FAM169A: variants seen among roughly 807,000 people sequenced by gnomAD.
The protein encoded by FAM169A is soluble lamin-associated protein of 75 kDa.
In FAM169A, 24 loss-of-function variants were observed where a neutral mutation model predicts 75.7. The observed-to-expected ratio is 0.32, with a 90% confidence interval of 0.23 to 0.45. The LOEUF is 0.45. Ranked by LOEUF, FAM169A falls within the 20% of genes least tolerant of loss-of-function variation. FAM169A has a pLI of 1.00. For missense variants in FAM169A, 673 were observed against 784.0 expected (o/e 0.86, Z 1.69); for synonymous variants, 271 against 271.0 (o/e 1.00, Z 0.00).
chr5:74,826,652 A>G (rs1481319963), intron 5 of FAM169A, among the ~76,000 whole-genome samples: 2 of 152,186 alleles, frequency 1.3e-5, no homozygotes, highest in East Asian at 3.8e-4. Flanking sequence ...ACTATTTTAA[A>G]AACAATTGTA....
chr5:74,840,058 T>C lies in FAM169A; in HGVS notation c.232+16A>G. ...AGAAAAATTCCTTAATTTATAAAAA[T>C]TAAGCAAAAAGAGACCTGTCAGTGA... On this transcript the variant is annotated intron_variant, in intron 3 of 12. Coordinates refer to ENST00000687041, the MANE Select transcript of FAM169A (RefSeq NM_001376049.1). 7.3e-7 allele frequency: 1 copy of C among 1,368,108 alleles called. No individual in the cohort carries two copies. The highest frequency in any genetic ancestry group is 1.3e-5 in the South Asian group (1 of 74,450). The allele number at this position is 1,368,108 out of a possible 1,614,324, so 84.7% of individuals were successfully genotyped here.
chr5:74,788,914 A>G (rs1231005474), intron 11 of FAM169A, among the ~76,000 whole-genome samples: 1 of 152,180 alleles, frequency 6.6e-6, no homozygotes, highest in African/African-American at 2.4e-5. Flanking sequence ...GGTGACTCCA[A>G]TTGCAGCTGC....
Position 74,802,624 on chromosome 5 carries a change from A to G in FAM169A, c.913-995T>C, listed in dbSNP as rs373003580. On this transcript the variant is annotated intron_variant, in intron 8 of 12. Transcript: ENST00000687041. ...TATAATAAAGCAATTATTATGCTAT[A>G]GTATATTATATATTTCCAACAATGG... is the stretch of plus-strand genomic sequence containing the variant. 1.6e-3 allele frequency among the ~76,000 whole-genome samples: 239 copies of G among 152,284 alleles called. 1 individual carries two copies. Among genetic ancestry groups the G allele is most frequent in the South Asian group, 7.5e-3 (36 of 4,830 alleles).
At chr5:74,842,665 G>A (rs1433945341) in intron 1 of FAM169A, among the ~76,000 whole-genome samples, 1 of 151,366 alleles carries the variant, frequency 6.6e-6, no homozygotes, top group African/African-American at 2.4e-5. Context: ...CCAAAGTGCT[G>A]GGATTACAGA....
At chr5:74,835,359 T>C (rs577728438) in intron 4 of FAM169A, among the ~76,000 whole-genome samples, 1 of 152,076 alleles carries the variant, frequency 6.6e-6, no homozygotes, top group Admixed American at 6.5e-5. Flanking sequence ...CCCAGCACTT[T>C]GGGAAGCTGA....
rs70976133 is a variant in FAM169A at position 74,784,607 on chromosome 5, TAAAAAAAAA to T, written c.1261-1482_1261-1474del. ...GGAAGAGAGGGTAATCAACCCAGGCTAAAAAAAAAAAAAAAAAAAAAAAAAATAGGCTGG... is the reference window on the plus strand; with the variant it reads ...GGAAGAGAGGGTAATCAACCCAGGCTAAAAAAAAAAAAAAAAATAGGCTGG... On this transcript the variant is annotated intron_variant, in intron 11 of 12. Coordinates refer to ENST00000687041, the MANE Select transcript of FAM169A (RefSeq NM_001376049.1). Among the ~76,000 whole-genome samples, 20 of 60,578 alleles carry T rather than the reference TAAAAAAAAA, an allele frequency of 3.3e-4. 2 individuals carry two copies. Among genetic ancestry groups the T allele is most frequent in the African/African-American group, 1.1e-3 (16 of 14,834 alleles). The allele number at this position is 60,578 out of a possible 152,430, so 39.7% of individuals were successfully genotyped here.
intron 5 of FAM169A, among the ~76,000 whole-genome samples, chr5:74,827,342 T>C (rs1174195803): frequency 6.6e-6 from 1 of 152,126 alleles, no homozygotes; most frequent in Non-Finnish European, 1.5e-5. Context: ...TCCTTAACAG[T>C]TTTACACTGC....
rs1750330844 is a variant in FAM169A, at chr5:74,866,170, A to G, written c.-9T>C. 4 of 983,640 alleles carry G rather than the reference A, an allele frequency of 4.1e-6. No individual in the cohort carries two copies. The African/African-American group carries it at 5.3e-5, about 13-fold the overall frequency. 60.9% of individuals were successfully genotyped at this position (983,640 alleles called of 1,614,324 possible). A position where few individuals can be genotyped will look rare whatever the true frequency, so the allele number is the denominator to read the frequency against. On this transcript the variant is annotated 5_prime_UTR_variant, in exon 1 of 13. Coordinates refer to ENST00000687041, the MANE Select transcript of FAM169A (RefSeq NM_001376049.1). Reference sequence around the variant, plus strand: ...GGGAGAGGGAGCGCACTCACCTCAGACGCGCCCCGGGAGCCGCTGGAAGAG... The same window carrying G: ...GGGAGAGGGAGCGCACTCACCTCAGGCGCGCCCCGGGAGCCGCTGGAAGAG...
At chr5:74,845,787 G>C (rs1749125005) in intron 1 of FAM169A, among the ~76,000 whole-genome samples, 1 of 152,130 alleles carries the variant, frequency 6.6e-6, no homozygotes, top group Non-Finnish European at 1.5e-5. Flanking sequence ...GATCAACCAG[G>C]AGCTTATGCA....
rs541618296 is a variant in FAM169A, at chr5:74,810,293, GC to G, written c.670+3546del. Among the ~76,000 whole-genome samples, 7 of 152,260 alleles carry G rather than the reference GC, an allele frequency of 4.6e-5. No individual in the cohort carries two copies. In the South Asian group the frequency reaches 1.2e-3, roughly 27 times the overall value. Reference sequence around the variant, plus strand: ...ACTGACAGAAAGCACATCAGTGCTTGCCTGGAGTGAGAGTTTGGAAGGGAAG... The same window carrying G: ...ACTGACAGAAAGCACATCAGTGCTTGCTGGAGTGAGAGTTTGGAAGGGAAG... On this transcript the variant is annotated intron_variant, in intron 6 of 12. Transcript: ENST00000687041.
At chr5:74,790,283 A>G (rs979382777) in intron 11 of FAM169A, among the ~76,000 whole-genome samples, 3 of 152,196 alleles carry the variant, frequency 2.0e-5, no homozygotes, top group African/African-American at 7.2e-5. Context: ...CTACAGCCCT[A>G]TAGCCCCTTT....
rs34017579 is a variant in FAM169A at position 74,853,701 on chromosome 5, ATTTTTT to A, written c.-3-12028_-3-12023del. Among the ~76,000 whole-genome samples, 51 of 110,194 alleles carry A rather than the reference ATTTTTT, an allele frequency of 4.6e-4. No individual in the cohort carries two copies. In the South Asian group the frequency reaches 0.014, roughly 31 times the overall value. 72.3% of individuals were successfully genotyped at this position (110,194 alleles called of 152,430 possible). ...CTAATCACTGTGACCCATCTTCAGAATTTTTTTTTTTTTTTTTTTTTTTTGAGACAG... is the reference window on the plus strand; with the variant it reads ...CTAATCACTGTGACCCATCTTCAGAATTTTTTTTTTTTTTTTTTGAGACAG... On this transcript the variant is annotated intron_variant, in intron 1 of 12. Coordinates refer to ENST00000687041, the MANE Select transcript of FAM169A (RefSeq NM_001376049.1).
At position 74,787,240 on chromosome 5, in the gene FAM169A, G is replaced by A. The variant is rs181690832; in HGVS notation, c.1261-4106C>T. Among the ~76,000 whole-genome samples the A allele has an allele frequency of 6.0e-4, 91 of 152,292 alleles. 1 individual carries two copies. The South Asian group carries it at 9.9e-3, about 17-fold the overall frequency. On this transcript the variant is annotated intron_variant, in intron 11 of 12. Transcript: ENST00000687041. Reference sequence around the variant, plus strand: ...TCGATCAGGCTGAATTTATTGATTCGGGCCCACTAAGTAGGGACTCTGCAT... The same window carrying A: ...TCGATCAGGCTGAATTTATTGATTCAGGCCCACTAAGTAGGGACTCTGCAT...
chr5:74,866,827 G>A (rs929602446), upstream of FAM169A: 1 of 985,452 alleles, frequency 1.0e-6, no homozygotes, highest in African/African-American at 1.7e-5. Context: ...TACCCAGAGT[G>A]GGCGCGGCCA....
intron 10 of FAM169A, among the ~76,000 whole-genome samples, chr5:74,796,969 G>C (rs1185317164): frequency 6.6e-6 from 1 of 152,026 alleles, no homozygotes; most frequent in Non-Finnish European, 1.5e-5. Flanking sequence ...TCACAGCTCT[G>C]CTTCAGGCCC....
intron 11 of FAM169A, among the ~76,000 whole-genome samples, chr5:74,794,002 C>CAAAAAAA (rs1276485325): frequency 2.0e-5 from 1 of 50,750 alleles, no homozygotes. Context: ...GACTCCATCT[C>CAAAAAAA]AAAAAAAAAA....
In FAM169A at chr5:74,866,277, C is replaced by A; in HGVS notation, c.-116G>T. The stretch of plus-strand genomic sequence containing the variant: ...GACCTCCGGCCGGTCCCAGGCCGCA[C>A]AGCTCGCGGCTGCCAGGGCGAGTGC... On this transcript the variant is annotated 5_prime_UTR_variant, in exon 1 of 13. Transcript: ENST00000687041. 1.0e-6 allele frequency: 1 copy of A among 983,976 alleles called. No homozygotes were observed. Among genetic ancestry groups the A allele is most frequent in the Non-Finnish European group, 1.2e-6 (1 of 829,334 alleles). 61.0% of individuals were successfully genotyped at this position (983,976 alleles called of 1,614,324 possible).
rs367577123 is a variant in FAM169A, at chr5:74,827,837, A to ATT, written c.490+6587_490+6588dup. 1.2e-3 allele frequency among the ~76,000 whole-genome samples: 173 copies of ATT among 150,288 alleles called. 3 individuals are homozygous for ATT. The East Asian group carries it at 0.029, about 25-fold the overall frequency. ...GCCATCATGCCCGGCTAATTTTTGT[A>ATT]TTTTTTTTTGTACAGACGGAGTTTC... On this transcript the variant is annotated intron_variant, in intron 5 of 12. Coordinates refer to ENST00000687041, the MANE Select transcript of FAM169A (RefSeq NM_001376049.1).
intron 11 of FAM169A, among the ~76,000 whole-genome samples, chr5:74,789,487 A>G (rs1327589467): frequency 6.6e-6 from 1 of 152,210 alleles, no homozygotes; most frequent in Non-Finnish European, 1.5e-5. Context: ...GTGTTACTCC[A>G]GCCCATTTAT....
Sources: allele counts gnomAD v4.1 joint callset (sites outside exome capture counted in the v4.1 genomes callset), GRCh38; gene constraint gnomAD v4.1.1; transcripts MANE v1.5; gene names NCBI Gene and HGNC (gene_info 2026-07-23, HGNC 2026-07-21).